Variants in CPNE5 observed in about 807,000 individuals in gnomAD.
CPNE5 encodes copine 5.
CPNE5 carries 42 observed loss-of-function variants against 81.1 expected under a neutral mutation model. The observed-to-expected ratio is 0.52, with a 90% CI of 0.40 to 0.67. The LOEUF (loss-of-function observed/expected upper bound fraction) is 0.67, where lower values mean the gene tolerates loss of function less well. Ranked by LOEUF, CPNE5 falls within the 30% of genes least tolerant of loss-of-function variation. CPNE5 has a pLI of 0.00. For synonymous variants in CPNE5, 313 were observed against 321.5 expected (o/e 0.97, Z 0.28); for missense variants, 612 against 815.5 (o/e 0.75, Z 3.04).
At chr6:36,827,918 C>T (rs1193385749) in intron 1 of CPNE5, among the ~76,000 whole-genome samples, 4 of 151,912 alleles carry the variant, frequency 2.6e-5, no homozygotes, top group African/African-American at 9.7e-5. Flanking sequence ...GCTGTCTGCA[C>T]AGCAGCCTGG....
chr6:36,777,342 C>T (rs1767601044), intron 9 of CPNE5, among the ~76,000 whole-genome samples: 1 of 152,018 alleles, frequency 6.6e-6, no homozygotes, highest in South Asian at 2.1e-4. Flanking sequence ...TCACGAGGCT[C>T]TCCCTTTCCC....
At chr6:36,743,637 G>A (rs1763778506) in intron 20 of CPNE5, 52 bp downstream of exon 20, 22 of 1,557,046 alleles carry the variant, frequency 1.4e-5, no homozygotes, top group South Asian at 2.2e-5. Context: ...AGGTCCGCCT[G>A]GCTAGAGGGG....
At position 36,792,057 on chromosome 6, in the gene CPNE5, G is replaced by A. The variant is rs139245762; in HGVS notation, c.504C>T (p.Ser168=). The A allele has an allele frequency of 2.1e-4, 339 of 1,614,026 alleles. 1 individual carries two copies. Among genetic ancestry groups the A allele is most frequent in the African/African-American group, 1.5e-3 (115 of 74,998 alleles). The change falls in exon 8 of 21, where the codon TCC becomes TCT. Residue 168 remains serine (S), a synonymous_variant. Coordinates refer to ENST00000244751, the MANE Select transcript of CPNE5 (RefSeq NM_020939.2). ...CCCTACAGTTGCTGAGCTCCTCAGC[G>A]GACAGGATGATGGTGCCACATTTCT... ...PGKKCGTIIL[S]AEELSNCRDV...
chr6:36,782,719 G>A (rs1309379618), intron 8 of CPNE5, among the ~76,000 whole-genome samples: 1 of 152,030 alleles, frequency 6.6e-6, no homozygotes, highest in South Asian at 2.1e-4. Context: ...GCTAGAACCT[G>A]GGAGGTGGAG....
At chr6:36,761,987 C>T (rs1766069404) in intron 12 of CPNE5, among the ~76,000 whole-genome samples, 1 of 152,058 alleles carries the variant, frequency 6.6e-6, no homozygotes, top group South Asian at 2.1e-4. Context: ...CGCGGTGGCT[C>T]AGGCCTATAA....
chr6:36,792,451 G>A (rs1229259605), intron 7 of CPNE5: 1 of 1,312,268 alleles, frequency 7.6e-7, no homozygotes, highest in Non-Finnish European at 1.0e-6. Flanking sequence ...CCACTTCTGT[G>A]GGCAAAAGAC....
At chr6:36,749,213 G>A (rs1764528834) in intron 14 of CPNE5, among the ~76,000 whole-genome samples, 1 of 152,054 alleles carries the variant, frequency 6.6e-6, no homozygotes, top group African/African-American at 2.4e-5. Context: ...TGGGATTACA[G>A]GTGTGAGCCA....
intron 3 of CPNE5, among the ~76,000 whole-genome samples, chr6:36,821,228 G>A (rs902751540): frequency 2.0e-5 from 3 of 151,894 alleles, no homozygotes; most frequent in Non-Finnish European, 2.9e-5. Context: ...GCCTGGAGGC[G>A]GGGGCGGGCC....
chr6:36,835,001 A>C (rs929484162), intron 1 of CPNE5, among the ~76,000 whole-genome samples: 1 of 152,142 alleles, frequency 6.6e-6, no homozygotes, highest in Non-Finnish European at 1.5e-5. Context: ...GCCAACCCGA[A>C]CAGACAGCAG....
At chr6:36,795,450 A>C (rs528846503) in intron 6 of CPNE5, among the ~76,000 whole-genome samples, 5 of 152,316 alleles carry the variant, frequency 3.3e-5, no homozygotes, top group African/African-American at 1.2e-4. Flanking sequence ...AAGTGATTGG[A>C]TTACAGGCGT....
intron 1 of CPNE5, among the ~76,000 whole-genome samples, chr6:36,832,225 T>C (rs560487518): frequency 1.3e-5 from 2 of 152,316 alleles, no homozygotes; most frequent in African/African-American, 4.8e-5. Flanking sequence ...TCTAGGCTCT[T>C]GGAAAGCCTC....
intron 8 of CPNE5, among the ~76,000 whole-genome samples, chr6:36,784,670 G>C (rs944510038): frequency 2.0e-5 from 3 of 152,200 alleles, no homozygotes; most frequent in African/African-American, 7.2e-5. Context: ...GGCCGGGCAT[G>C]ATGGTGCACA....
chr6:36,790,832 C>T (rs1289434422), intron 8 of CPNE5, among the ~76,000 whole-genome samples: 2 of 152,062 alleles, frequency 1.3e-5, no homozygotes, highest in African/African-American at 4.8e-5. Context: ...CGTGAGCCAC[C>T]GTGCCCGGCC....
chr6:36,831,991 C>T (rs1358262796), intron 1 of CPNE5, among the ~76,000 whole-genome samples: 1 of 152,174 alleles, frequency 6.6e-6, no homozygotes, highest in Non-Finnish European at 1.5e-5. Context: ...TAAAGCTGTC[C>T]TGTTGTTACT....
At chr6:36,773,790 C>G (rs894345964) in intron 10 of CPNE5, among the ~76,000 whole-genome samples, 1 of 152,152 alleles carries the variant, frequency 6.6e-6, no homozygotes, top group African/African-American at 2.4e-5. Flanking sequence ...TATCTACACT[C>G]AACAATCTAC....
Position 36,757,059 on chromosome 6 carries a change from C to T in CPNE5, c.856-761G>A, listed in dbSNP as rs78366026. On this transcript the variant is annotated intron_variant, in intron 12 of 20. Coordinates refer to ENST00000244751, the MANE Select transcript of CPNE5 (RefSeq NM_020939.2). The stretch of plus-strand genomic sequence containing the variant: ...CTACAGTACACAAGACAGCCTCCCA[C>T]GGCAGGGAGTGATGCAGTCCCAAAT... Among the ~76,000 whole-genome samples the T allele has an allele frequency of 7.1e-3, 1,084 of 152,248 alleles. 16 individuals are homozygous for T. Among genetic ancestry groups the T allele is most frequent in the African/African-American group, 0.025 (1,052 of 41,536 alleles).
At chr6:36,798,692 C>T (rs1482131811) in intron 4 of CPNE5, among the ~76,000 whole-genome samples, 198 bp from the exon 5 acceptor site, 2 of 152,056 alleles carry the variant, frequency 1.3e-5, no homozygotes, top group Non-Finnish European at 2.9e-5. Context: ...AGCTGGGTGA[C>T]ATCAGAGGGG....
At chr6:36,812,348 C>T (rs900233327) in intron 3 of CPNE5, among the ~76,000 whole-genome samples, 1 of 152,154 alleles carries the variant, frequency 6.6e-6, no homozygotes, top group Non-Finnish European at 1.5e-5. Flanking sequence ...ATCAGTCACC[C>T]TCTTATTTAA....
chr6:36,798,349 G>A, intron 5 of CPNE5, 106 bp downstream of exon 5: 1 of 1,501,922 alleles, frequency 6.7e-7, no homozygotes, highest in Non-Finnish European at 9.3e-7. Context: ...TAAATGACAG[G>A]ACGCAGCGTC....
Sources: allele counts gnomAD v4.1 joint callset (sites outside exome capture counted in the v4.1 genomes callset), GRCh38; gene constraint gnomAD v4.1.1; transcripts MANE v1.5; gene names NCBI Gene and HGNC (gene_info 2026-07-23, HGNC 2026-07-21).